SEZ6: variants seen among roughly 807,000 people sequenced by gnomAD.
SEZ6 encodes the protein seizure related 6 homolog.
A neutral mutation model predicts 101.0 loss-of-function variants in SEZ6; 53 were observed. The ratio of observed to expected loss-of-function variants is 0.52; its 90% CI spans 0.42 to 0.66. SEZ6 has a LOEUF of 0.66. Among genes scored for constraint, SEZ6 ranks in the 30% least tolerant of loss-of-function variants. The probability of loss-of-function intolerance (pLI) is 0.00; values close to 1 mark genes in which losing one functional copy is unlikely to be tolerated. For synonymous variants in SEZ6, 488 were observed against 512.2 expected (o/e 0.95, Z 0.64); for missense variants, 1,102 against 1,289.4 (o/e 0.85, Z 2.23).
chr17:28,979,880 C>CGTGTGTGTGTGT (rs3052131), intron 2 of SEZ6, 67 bp from the exon 3 acceptor site: 11 of 857,840 alleles, frequency 1.3e-5, no homozygotes, highest in African/African-American at 5.4e-5. Flanking sequence ...AAGGCTGAAC[C>CGTGTGTGTGTGT]GTGTGTGTGT....
chr17:28,969,378 A>C lies in SEZ6; in HGVS notation c.1054+379T>G, dbSNP rs533290117. 4.6e-5 allele frequency among the ~76,000 whole-genome samples: 7 copies of C among 152,244 alleles called. No individual in the cohort carries two copies. The South Asian group carries it at 8.3e-4, about 18-fold the overall frequency. On this transcript the variant is annotated intron_variant, in intron 4 of 16. Transcript: ENST00000317338. ...CTGTTTAAGTGTCTGCCTCCTCCTG[A>C]GAAAGAACTCCTTGAGGACAAGGAC...
At chr17:28,982,143 C>T (rs1176381390) in intron 1 of SEZ6, 104 bp from the exon 2 acceptor site, 2 of 1,439,416 alleles carry the variant, frequency 1.4e-6, no homozygotes, top group African/African-American at 1.4e-5. Context: ...ACAGACAGCC[C>T]TGAGGAGCGT....
chr17:28,990,747 A>G (rs1455267648), intron 1 of SEZ6, among the ~76,000 whole-genome samples: 1 of 152,058 alleles, frequency 6.6e-6, no homozygotes, highest in Non-Finnish European at 1.5e-5. Flanking sequence ...AAAAAACCCT[A>G]GCCTCCTTCA....
chr17:28,999,268 G>C (rs2041583202), intron 1 of SEZ6, among the ~76,000 whole-genome samples: 1 of 152,156 alleles, frequency 6.6e-6, no homozygotes. Flanking sequence ...GAGCAAAACT[G>C]TAGGGGATGA....
chr17:28,984,277 C>T (rs2041347942), intron 1 of SEZ6, among the ~76,000 whole-genome samples: 1 of 152,236 alleles, frequency 6.6e-6, no homozygotes, highest in Non-Finnish European at 1.5e-5. Flanking sequence ...ACCCCCCAGA[C>T]ATCACACAGG....
intron 14 of SEZ6, 94 bp downstream of exon 14, chr17:28,956,625 C>G: frequency 6.5e-7 from 1 of 1,530,072 alleles, no homozygotes; most frequent in South Asian, 1.2e-5. Flanking sequence ...CTCTCTCTTT[C>G]TCTGCCCTCC....
intron 16 of SEZ6, 44 bp downstream of exon 16, chr17:28,956,115 A>C: frequency 6.3e-7 from 1 of 1,599,206 alleles, no homozygotes; most frequent in Non-Finnish European, 8.6e-7. Context: ...AGAAGCAAAG[A>C]ACTGGGTCTT....
chr17:28,993,928 G>A (rs966131504), intron 1 of SEZ6, among the ~76,000 whole-genome samples: 1 of 152,210 alleles, frequency 6.6e-6, no homozygotes, highest in Admixed American at 6.5e-5. Flanking sequence ...CTTGTTTTGT[G>A]CACCAGGACC....
chr17:28,957,999 G>T lies in SEZ6; in HGVS notation c.2250C>A (p.Leu750=). 1 of 1,614,000 alleles carries T rather than the reference G, an allele frequency of 6.2e-7. No homozygotes were observed. The highest frequency in any genetic ancestry group is 8.5e-7 in the Non-Finnish European group (1 of 1,179,868). Residue 750 remains leucine, a synonymous_variant, in exon 11 of 17, where the codon CTC becomes CTA. Coordinates refer to ENST00000317338, the MANE Select transcript of SEZ6 (RefSeq NM_178860.5). ...TCCAAGTTAGGTCCCACTGGCACATGAGGACACTGGATCCCACTACCTGGT... is the reference window on the plus strand; with the variant it reads ...TCCAAGTTAGGTCCCACTGGCACATTAGGACACTGGATCCCACTACCTGGT... The part of the protein sequence containing the change: ...PGYQVVGSSV[L]MCQWDLTWSE...
At chr17:28,988,833 A>G (rs2041419204) in intron 1 of SEZ6, among the ~76,000 whole-genome samples, 1 of 152,172 alleles carries the variant, frequency 6.6e-6, no homozygotes, top group Middle Eastern at 3.2e-3. Context: ...AACCAAGTCC[A>G]GGGGGTTTTC....
intron 1 of SEZ6, among the ~76,000 whole-genome samples, chr17:28,988,801 C>T (rs1416812710): frequency 2.0e-5 from 3 of 152,264 alleles, no homozygotes; most frequent in Non-Finnish European, 1.5e-5. Flanking sequence ...CATCTCATCC[C>T]TCCCTCACTT....
chr17:28,997,362 C>A (rs2041557105), intron 1 of SEZ6, among the ~76,000 whole-genome samples: 1 of 152,166 alleles, frequency 6.6e-6, no homozygotes, highest in Non-Finnish European at 1.5e-5. Flanking sequence ...CAAGAGGGGG[C>A]CTGCCAGCTG....
intron 1 of SEZ6, among the ~76,000 whole-genome samples, chr17:28,984,295 A>G (rs543754869): frequency 6.6e-6 from 1 of 152,318 alleles, no homozygotes; most frequent in South Asian, 2.1e-4. Flanking sequence ...AGGCTATGCC[A>G]GGTAAGCTGA....
In SEZ6 at chr17:28,968,920, G is replaced by T. The variant is rs78738985; in HGVS notation, c.1054+837C>A. On this transcript the variant is annotated intron_variant, in intron 4 of 16. Coordinates refer to ENST00000317338, the MANE Select transcript of SEZ6 (RefSeq NM_178860.5). ...GTAGGAGGGACACAGCTGAGACAGC[G>T]GCAAAGTCCTGAGCCCCTTTTCCTC... is the stretch of plus-strand genomic sequence containing the variant. Among the ~76,000 whole-genome samples, 407 of 152,328 alleles carry T rather than the reference G, an allele frequency of 2.7e-3. 1 individual carries two copies. The highest frequency in any genetic ancestry group is 4.9e-3 in the Non-Finnish European group (331 of 68,032).
intron 1 of SEZ6, among the ~76,000 whole-genome samples, chr17:28,987,647 C>G (rs2041401782): frequency 1.3e-5 from 2 of 152,144 alleles, no homozygotes; most frequent in African/African-American, 4.8e-5. Context: ...CACATTCTGT[C>G]TCCTGTGGTT....
At chr17:28,998,152 T>C (rs1438569496) in intron 1 of SEZ6, among the ~76,000 whole-genome samples, 1 of 150,826 alleles carries the variant, frequency 6.6e-6, no homozygotes, top group African/African-American at 2.4e-5. Flanking sequence ...GGGCTGGAAG[T>C]TGAGGGGAGA....
intron 4 of SEZ6, among the ~76,000 whole-genome samples, chr17:28,967,001 G>A (rs1231924496): frequency 6.6e-6 from 1 of 152,178 alleles, no homozygotes; most frequent in East Asian, 1.9e-4. Flanking sequence ...TTGAATGCAG[G>A]CTTCTTCCCT....
At chr17:28,979,497 G>T (rs1368105032) in intron 3 of SEZ6, among the ~76,000 whole-genome samples, 183 bp downstream of exon 3, 1 of 152,226 alleles carries the variant, frequency 6.6e-6, no homozygotes, top group Non-Finnish European at 1.5e-5. Flanking sequence ...TCTTGGCTTA[G>T]GCCATTGCCA....
intron 4 of SEZ6, 125 bp from the exon 5 acceptor site, chr17:28,964,272 G>A: frequency 9.8e-7 from 1 of 1,015,512 alleles, no homozygotes; most frequent in Non-Finnish European, 1.4e-6. Context: ...GGAAGCACTA[G>A]GAGTTCCAAA....
Sources: allele counts gnomAD v4.1 joint callset (sites outside exome capture counted in the v4.1 genomes callset), GRCh38; gene constraint gnomAD v4.1.1; transcripts MANE v1.5; gene names NCBI Gene and HGNC (gene_info 2026-07-23, HGNC 2026-07-21).